CDK13: variants seen among roughly 807,000 people sequenced by gnomAD.
The protein encoded by CDK13 is cyclin-dependent kinase 13.
Under a neutral mutation model 137.6 loss-of-function variants are expected in CDK13, and 40 were observed. The observed-to-expected ratio is 0.29, with a 90% CI of 0.23 to 0.38. The LOEUF (loss-of-function observed/expected upper bound fraction) is 0.38, where lower values mean the gene tolerates loss of function less well. Ranked by LOEUF, CDK13 falls within the 10% of genes least tolerant of loss-of-function variation. The pLI is 1.00. For synonymous variants in CDK13, 869 were observed against 760.1 expected (o/e 1.14, Z -2.36); for missense variants, 1,704 against 1,951.8 (o/e 0.87, Z 2.39).
rs1368250288 is a variant in CDK13, at chr7:39,976,358, C to CACACACACACACACACACACAG, written c.1212-11240_1212-11239insCACACACACACACACACACAGA. ...ACACACACACACACACACACACACA[C>CACACACACACACACACACACAG]AGAAACAAATGGAGGAGAAAGAGAT... On this transcript the variant is annotated intron_variant, in intron 1 of 13. Coordinates refer to ENST00000181839, the MANE Select transcript of CDK13 (RefSeq NM_003718.5). Among the ~76,000 whole-genome samples the CACACACACACACACACACACAG allele has an allele frequency of 1.7e-4, 25 of 147,310 alleles. 1 individual carries two copies. The highest frequency in any genetic ancestry group is 4.5e-5 in the Non-Finnish European group (3 of 66,490).
intron 1 of CDK13, among the ~76,000 whole-genome samples, chr7:39,974,264 C>T (rs1193196756): frequency 6.6e-6 from 1 of 151,516 alleles, no homozygotes; most frequent in Non-Finnish European, 1.5e-5. Flanking sequence ...CAGGGTTTCA[C>T]TATGTTGCTC....
At chr7:39,977,896 A>G (rs1784143640) in intron 1 of CDK13, among the ~76,000 whole-genome samples, 1 of 152,168 alleles carries the variant, frequency 6.6e-6, no homozygotes, top group African/African-American at 2.4e-5. Context: ...GGAGCTTGGA[A>G]ACCAAATAGA....
At chr7:40,033,602 C>T (rs1356504062) in intron 5 of CDK13, among the ~76,000 whole-genome samples, 1 of 152,088 alleles carries the variant, frequency 6.6e-6, no homozygotes, top group Admixed American at 6.5e-5. Context: ...CCAAAATTTC[C>T]TCTAGTGTTC....
At chr7:40,078,416 T>A (rs1049680987) in intron 10 of CDK13, 2 of 286,032 alleles carry the variant, frequency 7.0e-6, no homozygotes, top group African/African-American at 4.4e-5. Flanking sequence ...CATTTTGCTT[T>A]AGAAAAAACT....
chr7:39,977,236 G>T (rs1784130798), intron 1 of CDK13, among the ~76,000 whole-genome samples: 1 of 152,176 alleles, frequency 6.6e-6, no homozygotes, highest in Admixed American at 6.5e-5. Flanking sequence ...GGCAAATTTA[G>T]TACTTGATAA....
In CDK13 at chr7:40,098,924, T is replaced by C. The variant is rs887559075; in HGVS notation, c.*3944T>C. ...GCCTGAAGGGGCTGTTTGTTTCATATATGGATAATCTTTGAAAAGGCAAGT... is the reference window on the plus strand; with the variant it reads ...GCCTGAAGGGGCTGTTTGTTTCATACATGGATAATCTTTGAAAAGGCAAGT... On this transcript the variant is annotated 3_prime_UTR_variant, in exon 14 of 14. Coordinates refer to ENST00000181839, the MANE Select transcript of CDK13 (RefSeq NM_003718.5). The C allele has an allele frequency of 3.3e-5, 5 of 152,124 alleles. No homozygotes were observed. The highest frequency in any genetic ancestry group is 1.2e-4 in the African/African-American group (5 of 41,458). The allele number at this position is 152,124 out of a possible 1,614,324, so 9.4% of individuals were successfully genotyped here. A position where few individuals can be genotyped will look rare whatever the true frequency, so the allele number is the denominator to read the frequency against.
intron 9 of CDK13, among the ~76,000 whole-genome samples, chr7:40,064,833 C>T (rs533798840): frequency 1.3e-5 from 2 of 148,688 alleles, no homozygotes; most frequent in East Asian, 3.9e-4. Context: ...ACTTTGTTGC[C>T]TAGGCTGGAG....
At chr7:40,015,208 A>T (rs963858972) in intron 5 of CDK13, among the ~76,000 whole-genome samples, 2 of 152,202 alleles carry the variant, frequency 1.3e-5, no homozygotes, top group Non-Finnish European at 2.9e-5. Flanking sequence ...TGTTAGATGC[A>T]CATCAGGAGA....
chr7:40,048,160 C>T, intron 7 of CDK13: 1 of 254,268 alleles, frequency 3.9e-6, no homozygotes, highest in Non-Finnish European at 7.4e-6. Context: ...AATACGTATT[C>T]AGATATTAAA....
At chr7:40,020,759 A>C (rs902257868) in intron 5 of CDK13, among the ~76,000 whole-genome samples, 4 of 152,236 alleles carry the variant, frequency 2.6e-5, no homozygotes, top group Non-Finnish European at 5.9e-5. Context: ...AAATTTTTAA[A>C]AAGCAAGGTA....
rs758951778 is a variant in CDK13 at position 39,951,796 on chromosome 7, T to C, written c.1155T>C (p.Ser385=). 3.4e-6 allele frequency: 5 copies of C among 1,455,790 alleles called. No individual in the cohort carries two copies. Among genetic ancestry groups the C allele is most frequent in the Non-Finnish European group, 4.5e-6 (5 of 1,114,370 alleles). The allele number at this position is 1,455,790 out of a possible 1,614,324, so 90.2% of individuals were successfully genotyped here. The stretch of plus-strand genomic sequence containing the variant: ...AGCGGGGCGGCGACGTGTCCCCTAG[T>C]CCCTACAGCAGCAGCAGCTGGCGCC... ...SYERGGDVSP[S]PYSSSSWRRS... Residue 385 remains serine, a synonymous_variant, in exon 1 of 14, where the codon AGT becomes AGC. Coordinates refer to ENST00000181839, the MANE Select transcript of CDK13 (RefSeq NM_003718.5).
chr7:39,974,386 A>G (rs1196039227), intron 1 of CDK13, among the ~76,000 whole-genome samples: 1 of 152,060 alleles, frequency 6.6e-6, no homozygotes, highest in Non-Finnish European at 1.5e-5. Context: ...ACCTTTTAAC[A>G]ATTTAAGTCA....
At chr7:40,049,179 CAAAAAAAAAAAAAAAAA>C (rs917975927) in intron 7 of CDK13, 5 of 51,324 alleles carry the variant, frequency 9.7e-5, no homozygotes, top group East Asian at 9.2e-4. Flanking sequence ...AGACTGTCTC[CAAAAAAAAAAAAAAAAA>C]AAAAAAAAAA....
At chr7:40,076,466 C>G (rs1278036942) in intron 9 of CDK13, among the ~76,000 whole-genome samples, 1 of 152,012 alleles carries the variant, frequency 6.6e-6, no homozygotes, top group Non-Finnish European at 1.5e-5. Context: ...GGGAGAGATG[C>G]ATTGGGAAAT....
intron 13 of CDK13, 43 bp downstream of exon 13, chr7:40,093,280 T>C (rs1401337761): frequency 6.9e-7 from 1 of 1,450,946 alleles, no homozygotes; most frequent in Non-Finnish European, 9.5e-7. Context: ...CTGCATTACA[T>C]TGTCTACTCA....
At chr7:40,091,205 C>T (rs1004283628) in intron 12 of CDK13, among the ~76,000 whole-genome samples, 4 of 151,818 alleles carry the variant, frequency 2.6e-5, no homozygotes, top group African/African-American at 9.7e-5. Flanking sequence ...ATTAGCCGGG[C>T]GTGGTGGTGG....
chr7:40,089,725 T>C (rs798862), intron 12 of CDK13, among the ~76,000 whole-genome samples: 12,745 of 87,774 alleles, frequency 0.15, 1,784 homozygotes, highest in African/African-American at 0.46. Context: ...AGAGAGAGAG[T>C]GTGTGTGTGT....
chr7:40,001,668 C>G (rs1459817888), intron 4 of CDK13, among the ~76,000 whole-genome samples, 193 bp from the exon 5 acceptor site: 1 of 151,972 alleles, frequency 6.6e-6, no homozygotes, highest in Non-Finnish European at 1.5e-5. Flanking sequence ...TGTAAATATT[C>G]CATAATTTGT....
intron 6 of CDK13, 130 bp downstream of exon 6, chr7:40,046,155 A>G (rs1785734823): frequency 1.7e-6 from 1 of 588,086 alleles, no homozygotes; most frequent in Non-Finnish European, 2.9e-6. Flanking sequence ...CCTATTAGGT[A>G]CAGTGTCCAA....
Sources: gnomAD v4.1 joint callset for allele counts (sites outside exome capture counted in the v4.1 genomes callset) on GRCh38, gnomAD v4.1.1 for gene constraint, MANE v1.5 for transcripts, NCBI Gene and HGNC (gene_info 2026-07-23, HGNC 2026-07-21) for gene names.